GIPC1: variants seen among roughly 807,000 people sequenced by gnomAD.
GIPC1 encodes GIPC PDZ domain containing family member 1.
A neutral mutation model predicts 28.5 loss-of-function variants in GIPC1; 15 were observed. The observed-to-expected ratio is 0.53, with a 90% confidence interval of 0.35 to 0.81. The LOEUF is 0.81. Ranked by LOEUF, GIPC1 falls within the 30% of genes least tolerant of loss-of-function variation. The pLI, the probability that GIPC1 is intolerant of heterozygous loss-of-function variation, is 0.01. For missense variants in GIPC1, 439 were observed against 481.9 expected (o/e 0.91, Z 0.83); for synonymous variants, 224 against 206.1 (o/e 1.09, Z -0.74).
At chr19:14,492,442 G>T (rs1419681862) in intron 2 of GIPC1, among the ~76,000 whole-genome samples, 1 of 152,042 alleles carries the variant, frequency 6.6e-6, no homozygotes, top group Non-Finnish European at 1.5e-5. Context: ...GAGTAGCTGG[G>T]ACTACAGGTG....
intron 3 of GIPC1, among the ~76,000 whole-genome samples, chr19:14,489,799 T>C (rs2071926596): frequency 6.6e-6 from 1 of 152,116 alleles, no homozygotes; most frequent in African/African-American, 2.4e-5. Context: ...TTCCAATTTT[T>C]TCTAACATGA....
intron 3 of GIPC1, among the ~76,000 whole-genome samples, chr19:14,485,871 C>T (rs1240293605): frequency 1.3e-5 from 2 of 151,496 alleles, no homozygotes; most frequent in Non-Finnish European, 2.9e-5. Flanking sequence ...CCAGGGTTCA[C>T]GCCATTCTCC....
At chr19:14,489,344 T>C in intron 3 of GIPC1, 1 of 778,922 alleles carries the variant, frequency 1.3e-6, no homozygotes, top group Non-Finnish European at 2.4e-6. Context: ...AGGGAAGCCG[T>C]GCGTTCTGTT....
chr19:14,488,176 C>T (rs1599359273), intron 3 of GIPC1, among the ~76,000 whole-genome samples: 1 of 152,124 alleles, frequency 6.6e-6, no homozygotes, highest in South Asian at 2.1e-4. Flanking sequence ...TGGGGCTGGG[C>T]ATGGTGGCTC....
At chr19:14,492,512 T>C (rs2071995271) in intron 2 of GIPC1, among the ~76,000 whole-genome samples, 1 of 152,152 alleles carries the variant, frequency 6.6e-6, no homozygotes, top group Non-Finnish European at 1.5e-5. Flanking sequence ...TTCATCATGT[T>C]AGCCAGGATG....
intron 3 of GIPC1, among the ~76,000 whole-genome samples, chr19:14,483,768 A>G (rs201468065): frequency 4.3e-5 from 4 of 92,144 alleles, no homozygotes; most frequent in Non-Finnish European, 8.4e-5. Context: ...AATAATAATA[A>G]TAATAATAAT....
chr19:14,494,025 T>C (rs2072024850), intron 1 of GIPC1, among the ~76,000 whole-genome samples: 1 of 151,656 alleles, frequency 6.6e-6, no homozygotes. Flanking sequence ...AGTGGCACGA[T>C]CTCAGCTCAC....
chr19:14,479,526 T>C lies in GIPC1; in HGVS notation c.656-2A>G. 3 of 1,423,454 alleles carry C rather than the reference T, an allele frequency of 2.1e-6. No homozygotes were observed. Among genetic ancestry groups the C allele is most frequent in the South Asian group, 3.0e-5 (2 of 67,518 alleles). The allele number at this position is 1,423,454 out of a possible 1,614,324, so 88.2% of individuals were successfully genotyped here. ...CCGCTGAACGCTGGCTGATCATGTCTGTGGGAGGCAGGAGAGGAGTGAGTG... is the reference window on the plus strand; with the variant it reads ...CCGCTGAACGCTGGCTGATCATGTCCGTGGGAGGCAGGAGAGGAGTGAGTG... On this transcript the variant is annotated splice_acceptor_variant, in intron 6 of 8. Transcript: ENST00000393033. LOFTEE classifies it high-confidence loss of function.
At chr19:14,481,012 C>T (rs1402296222) in intron 4 of GIPC1, 1 of 494,648 alleles carries the variant, frequency 2.0e-6, no homozygotes, top group Non-Finnish European at 3.6e-6. Flanking sequence ...GCTCTGTCAC[C>T]CAGGCTGGAG....
intron 1 of GIPC1, among the ~76,000 whole-genome samples, chr19:14,494,401 T>C (rs555640996): frequency 1.3e-5 from 2 of 152,322 alleles, no homozygotes; most frequent in South Asian, 4.1e-4. Flanking sequence ...CCCCCTTGCC[T>C]GATCTTTGCT....
chr19:14,489,296 C>T (rs573904984), intron 3 of GIPC1: 18 of 735,434 alleles, frequency 2.4e-5, no homozygotes, highest in African/African-American at 1.4e-4. Context: ...AGGTCGATGA[C>T]GCCAGGCACA....
chr19:14,496,044 G>GCCA lies in GIPC1; in HGVS notation c.-183_-182insTGG. 1 of 127,278 alleles carries GCCA rather than the reference G, an allele frequency of 7.9e-6. No homozygotes were observed. Among genetic ancestry groups the GCCA allele is most frequent in the Non-Finnish European group, 1.5e-5 (1 of 67,188 alleles). The allele number at this position is 127,278 out of a possible 1,614,324, so 7.9% of individuals were successfully genotyped here. ...CTCGCAGAGGCCACTCACCTGCTCC[G>GCCA]CCGCCGCCGCCGCCGCCGCCGCCGC... On this transcript the variant is annotated 5_prime_UTR_variant, in exon 1 of 9. Transcript: ENST00000393033.
chr19:14,490,631 AG>A (rs1260455628), intron 3 of GIPC1, among the ~76,000 whole-genome samples: 7 of 148,992 alleles, frequency 4.7e-5, no homozygotes, highest in Non-Finnish European at 1.0e-4. Flanking sequence ...GAGCTGAGAC[AG>A]TGCCATTGCA....
Position 14,478,126 on chromosome 19 carries a change from G to A in GIPC1, c.*290C>T, listed in dbSNP as rs553357178. On this transcript the variant is annotated 3_prime_UTR_variant, in exon 9 of 9. Transcript: ENST00000393033. This position sits in a 1 kb window ranked among gnomAD's most constrained non-coding sequence, Gnocchi z 5.2. ...GCTGATGGTGGAAAGTGGTGGAGGC[G>A]GGGGTGGCCGCCCAATTTGGCTGAT... 1.3e-5 allele frequency: 5 copies of A among 382,982 alleles called. No homozygotes were observed. The highest frequency in any genetic ancestry group is 2.0e-5 in the African/African-American group (1 of 49,648). 23.7% of individuals were successfully genotyped at this position (382,982 alleles called of 1,614,324 possible). A position where few individuals can be genotyped will look rare whatever the true frequency, so the allele number is the denominator to read the frequency against.
intron 1 of GIPC1, among the ~76,000 whole-genome samples, chr19:14,495,580 G>A (rs1425701377): frequency 6.6e-6 from 1 of 152,136 alleles, no homozygotes; most frequent in African/African-American, 2.4e-5. Flanking sequence ...GCCTGACACG[G>A]AAGCTCTCCA....
intron 3 of GIPC1, among the ~76,000 whole-genome samples, chr19:14,485,726 G>T (rs958123027): frequency 7.5e-5 from 10 of 133,826 alleles, no homozygotes; most frequent in African/African-American, 2.9e-4. Context: ...GAGAGAGAGA[G>T]AGAGAGAGAG....
At position 14,477,839 on chromosome 19, in the gene GIPC1, C is replaced by T. The variant is rs2071633520; in HGVS notation, c.*577G>A. On this transcript the variant is annotated 3_prime_UTR_variant, in exon 9 of 9. Coordinates refer to ENST00000393033, the MANE Select transcript of GIPC1 (RefSeq NM_005716.4). ...CACCGCCATCGTCCCTCCCTCCCTCCTGCTCTGGGCCAGGGATGGGCCTGG... is the reference window on the plus strand; with the variant it reads ...CACCGCCATCGTCCCTCCCTCCCTCTTGCTCTGGGCCAGGGATGGGCCTGG... The T allele has an allele frequency of 6.5e-6, 1 of 153,450 alleles. No individual in the cohort carries two copies. Among genetic ancestry groups the T allele is most frequent in the African/African-American group, 2.4e-5 (1 of 41,464 alleles). 9.5% of individuals were successfully genotyped at this position (153,450 alleles called of 1,614,324 possible). A position where few individuals can be genotyped will look rare whatever the true frequency, so the allele number is the denominator to read the frequency against.
Position 14,478,247 on chromosome 19 carries a change from T to C in GIPC1, c.*169A>G, listed in dbSNP as rs2071641515. On this transcript the variant is annotated 3_prime_UTR_variant, in exon 9 of 9. Coordinates refer to ENST00000393033, the MANE Select transcript of GIPC1 (RefSeq NM_005716.4). The surrounding 1 kb of genome is among the most constrained non-coding windows in gnomAD (Gnocchi z 5.2). Reference sequence around the variant, plus strand: ...GCCAGACTGGGAACCAGGGAGGGGATGGTACCGATTGGAGCGGGGCAGGGG... The same window carrying C: ...GCCAGACTGGGAACCAGGGAGGGGACGGTACCGATTGGAGCGGGGCAGGGG... 2 of 644,400 alleles carry C rather than the reference T, an allele frequency of 3.1e-6. No homozygotes were observed. Among genetic ancestry groups the C allele is most frequent in the Non-Finnish European group, 5.2e-6 (2 of 386,752 alleles). The allele number at this position is 644,400 out of a possible 1,614,324, so 39.9% of individuals were successfully genotyped here.
At chr19:14,482,511 C>T (rs2071750829) in intron 4 of GIPC1, 178 bp downstream of exon 4, 2 of 643,984 alleles carry the variant, frequency 3.1e-6, no homozygotes, top group East Asian at 2.7e-5. Context: ...GGGCACAAGC[C>T]TCCCAGTGCC....
Sources: allele counts gnomAD v4.1 joint callset (sites outside exome capture counted in the v4.1 genomes callset), GRCh38; gene constraint gnomAD v4.1.1; non-coding constraint Gnocchi (gnomAD v3.1); transcripts MANE v1.5; gene names NCBI Gene and HGNC (gene_info 2026-07-23, HGNC 2026-07-21).